The following GSTO2 variants were observed in gnomAD, a reference collection of about 807,000 sequenced individuals.
GSTO2 encodes glutathione S-transferase omega 2.
A neutral mutation model predicts 28.4 loss-of-function variants in GSTO2; 23 were observed. That is an observed-to-expected ratio of 0.81 (90% confidence interval 0.58 to 1.15). GSTO2 has a LOEUF of 1.15. Among genes scored for constraint, GSTO2 ranks in the 50% most tolerant of loss-of-function variants. The pLI is 0.00. For missense variants in GSTO2, 298 were observed against 297.8 expected, an observed-to-expected ratio of 1.00 and a Z score of 0.00; for synonymous variants, 109 against 111.0, an observed-to-expected ratio of 0.98 and a Z score of 0.11.
At chr10:104,273,019 C>A (rs905069417) in intron 1 of GSTO2, among the ~76,000 whole-genome samples, 1 of 152,152 alleles carries the variant, frequency 6.6e-6, no homozygotes, top group Admixed American at 6.5e-5. Context: ...CCTCTTATGG[C>A]CTTTTTTAGG....
At chr10:104,269,880 T>A (rs2011302652) in intron 1 of GSTO2, among the ~76,000 whole-genome samples, 1 of 152,232 alleles carries the variant, frequency 6.6e-6, no homozygotes, top group Non-Finnish European at 1.5e-5. Context: ...TTGCCCAAGG[T>A]CACCCAGCTA....
At chr10:104,287,615 A>C (rs2012512436) in intron 5 of GSTO2, among the ~76,000 whole-genome samples, 1 of 152,162 alleles carries the variant, frequency 6.6e-6, no homozygotes, top group African/African-American at 2.4e-5. Flanking sequence ...CCATTTTAGC[A>C]GAAGAAAACA....
chr10:104,295,369 C>T (rs2012974391), intron 5 of GSTO2: 1 of 152,182 alleles, frequency 6.6e-6, no homozygotes, highest in Non-Finnish European at 1.5e-5. Flanking sequence ...CTTCTCTATG[C>T]CACACTGGGA....
At chr10:104,297,490 G>T in intron 5 of GSTO2, 88 bp from the exon 6 acceptor site, 1 of 800,810 alleles carries the variant, frequency 1.2e-6, no homozygotes, top group South Asian at 1.6e-5. Flanking sequence ...TCCCTCTCTG[G>T]GAATTAATTT....
At position 104,304,787 on chromosome 10, in the gene GSTO2, G is replaced by A. The variant is rs1404162591; in HGVS notation, c.*5503G>A. On this transcript the variant is annotated 3_prime_UTR_variant, in exon 7 of 7. Transcript: ENST00000338595. ...TGGAGTTGTTTTCTGGTTGTTTCCT[G>A]TGTGCAGGTTTAATCTCAACCTGTG... The A allele has an allele frequency of 6.6e-6, 1 of 152,200 alleles. No homozygotes were observed. The highest frequency in any genetic ancestry group is 1.5e-5 in the Non-Finnish European group (1 of 68,060). The allele number at this position is 152,200 out of a possible 1,614,324, so 9.4% of individuals were successfully genotyped here.
At position 104,302,685 on chromosome 10, in the gene GSTO2, G is replaced by A. The variant is rs2013292766; in HGVS notation, c.*3401G>A. 6.6e-6 allele frequency: 1 copy of A among 152,216 alleles called. No individual in the cohort carries two copies. Among genetic ancestry groups the A allele is most frequent in the Admixed American group, 6.5e-5 (1 of 15,290 alleles). 9.4% of individuals were successfully genotyped at this position (152,216 alleles called of 1,614,324 possible). A position where few individuals can be genotyped will look rare whatever the true frequency, so the allele number is the denominator to read the frequency against. On this transcript the variant is annotated 3_prime_UTR_variant, in exon 7 of 7. Coordinates refer to ENST00000338595, the MANE Select transcript of GSTO2 (RefSeq NM_183239.2). ...TGGTGGGAGGTGATTGGATCATGGG[G>A]GTAGATTTCTCATGAATGGTTTAGC...
intron 5 of GSTO2, among the ~76,000 whole-genome samples, chr10:104,287,501 C>T (rs2012503527): frequency 6.6e-6 from 1 of 152,190 alleles, no homozygotes; most frequent in Non-Finnish European, 1.5e-5. Flanking sequence ...TTGTGGAATT[C>T]TGTGGAACGG....
intron 3 of GSTO2, 95 bp downstream of exon 3, chr10:104,275,429 A>G: frequency 1.8e-6 from 2 of 1,111,050 alleles, no homozygotes; most frequent in Non-Finnish European, 2.6e-6. Context: ...CAGCTTTTAC[A>G]AGGGGCTCCC....
intron 5 of GSTO2, among the ~76,000 whole-genome samples, chr10:104,288,131 C>T (rs889290552): frequency 2.0e-5 from 3 of 152,082 alleles, no homozygotes; most frequent in Non-Finnish European, 4.4e-5. Context: ...ACCTTGTGAT[C>T]CATCTGCCTC....
chr10:104,290,953 C>T (rs570249629), intron 5 of GSTO2, among the ~76,000 whole-genome samples: 11 of 152,238 alleles, frequency 7.2e-5, no homozygotes, highest in African/African-American at 2.6e-4. Flanking sequence ...CCCCATTCTC[C>T]ATGATGTGCT....
Position 104,294,122 on chromosome 10 carries a change from A to G in GSTO2, c.469-3456A>G, listed in dbSNP as rs530841576. ...AGGACCCAGGACGTGATATCTTGAT[A>G]CTGTTTTCCTTCCTGGTTTTTGACC... On this transcript the variant is annotated intron_variant, in intron 5 of 6. Transcript: ENST00000338595. 2.0e-5 allele frequency among the ~76,000 whole-genome samples: 3 copies of G among 152,286 alleles called. No homozygotes were observed. In the South Asian group the frequency reaches 6.2e-4, roughly 32 times the overall value.
intron 4 of GSTO2, among the ~76,000 whole-genome samples, chr10:104,278,541 G>A (rs943871290): frequency 6.6e-6 from 1 of 152,206 alleles, no homozygotes; most frequent in Admixed American, 6.5e-5. Context: ...GAGTGCAGTG[G>A]CACCATCTCG....
chr10:104,282,991 A>C (rs779042760), intron 5 of GSTO2, among the ~76,000 whole-genome samples: 75 of 152,228 alleles, frequency 4.9e-4, no homozygotes, highest in Non-Finnish European at 9.8e-4. Context: ...TTCTCTTAAA[A>C]GAGAAAGAAA....
At chr10:104,285,782 A>G (rs2012387887) in intron 5 of GSTO2, among the ~76,000 whole-genome samples, 1 of 152,014 alleles carries the variant, frequency 6.6e-6, no homozygotes, top group African/African-American at 2.4e-5. Context: ...TAATTTTTAA[A>G]CTGTTCTTTC....
rs2135158046 is a variant in GSTO2, at chr10:104,301,893, A to G, written c.*2609A>G. ...CATGCCTGGTGGGTGTCTATCTTAT[A>G]AAAAGCACTAAACTTAAAGATTTAA... On this transcript the variant is annotated 3_prime_UTR_variant, in exon 7 of 7. Coordinates refer to ENST00000338595, the MANE Select transcript of GSTO2 (RefSeq NM_183239.2). 1 of 152,308 alleles carries G rather than the reference A, an allele frequency of 6.6e-6. No individual in the cohort carries two copies. Among genetic ancestry groups the G allele is most frequent in the African/African-American group, 2.4e-5 (1 of 41,560 alleles). The allele number at this position is 152,308 out of a possible 1,614,324, so 9.4% of individuals were successfully genotyped here. A position where few individuals can be genotyped will look rare whatever the true frequency, so the allele number is the denominator to read the frequency against.
At position 104,278,860 on chromosome 10, in the gene GSTO2, T is replaced by C. The variant is rs181209574; in HGVS notation, c.367-510T>C. Among the ~76,000 whole-genome samples, 583 of 152,084 alleles carry C rather than the reference T, an allele frequency of 3.8e-3. 1 individual carries two copies. Among genetic ancestry groups the C allele is most frequent in the Non-Finnish European group, 6.4e-3 (435 of 67,976 alleles). On this transcript the variant is annotated intron_variant, in intron 4 of 6. Transcript: ENST00000338595. ...AGATAAATGGTGGCAGCTTTGATAA[T>C]GAAAGAAAAAAGAATGGAGAAATTT...
intron 5 of GSTO2, among the ~76,000 whole-genome samples, chr10:104,280,216 A>G (rs966686933): frequency 1.2e-4 from 18 of 148,318 alleles, no homozygotes; most frequent in African/African-American, 4.2e-4. Context: ...GTTCAGGCCT[A>G]TCTTGATGGC....
At chr10:104,278,486 A>G (rs2011784218) in intron 4 of GSTO2, among the ~76,000 whole-genome samples, 1 of 152,114 alleles carries the variant, frequency 6.6e-6, no homozygotes, top group Non-Finnish European at 1.5e-5. Context: ...ATGCTTTTTT[A>G]TTATTTTTTT....
intron 5 of GSTO2, among the ~76,000 whole-genome samples, chr10:104,294,677 G>A (rs2012942593): frequency 6.6e-6 from 1 of 152,204 alleles, no homozygotes; most frequent in South Asian, 2.1e-4. Flanking sequence ...TGCATTTGCT[G>A]AGCGGGGGAC....
Sources: allele counts gnomAD v4.1 joint callset (sites outside exome capture counted in the v4.1 genomes callset), GRCh38; gene constraint gnomAD v4.1.1; transcripts MANE v1.5; gene names NCBI Gene and HGNC (gene_info 2026-07-23, HGNC 2026-07-21).